UNC13C: variants seen among roughly 807,000 people sequenced by gnomAD.
UNC13C encodes unc-13 homolog C.
UNC13C carries 174 observed loss-of-function variants against 245.4 expected under a neutral mutation model. That is an observed-to-expected ratio of 0.71 (90% CI 0.63 to 0.80). UNC13C has a LOEUF of 0.80. UNC13C is among the 30% of genes least tolerant of loss of function. The pLI is 0.00. For missense variants in UNC13C, 2,829 were observed against 2,602.9 expected (o/e 1.09, Z -1.89); for synonymous variants, 992 against 895.1 (o/e 1.11, Z -1.93).
chr15:54,481,801 G>A (rs781423430), intron 19 of UNC13C, among the ~76,000 whole-genome samples: 1 of 152,134 alleles, frequency 6.6e-6, no homozygotes, highest in African/African-American at 2.4e-5. Flanking sequence ...TCCTGATGGT[G>A]CATGGGGATG....
intron 2 of UNC13C, among the ~76,000 whole-genome samples, chr15:54,085,346 A>C (rs1366724421): frequency 6.6e-6 from 1 of 152,162 alleles, no homozygotes; most frequent in Non-Finnish European, 1.5e-5. Context: ...AAAGATACAA[A>C]ACATTAGAGT....
intron 30 of UNC13C, among the ~76,000 whole-genome samples, chr15:54,616,072 T>G (rs1328141818): frequency 6.6e-6 from 1 of 152,054 alleles, no homozygotes; most frequent in African/African-American, 2.4e-5. Flanking sequence ...AAGGCAATTC[T>G]AAAAGATAAT....
At chr15:54,525,708 T>C in intron 25 of UNC13C, 71 bp downstream of exon 25, 1 of 1,271,416 alleles carries the variant, frequency 7.9e-7, no homozygotes, top group Non-Finnish European at 1.1e-6. Flanking sequence ...TTGCCTTCAA[T>C]GCTGTTTCCT....
chr15:54,499,422 C>T (rs1894097806), intron 20 of UNC13C, among the ~76,000 whole-genome samples: 1 of 152,070 alleles, frequency 6.6e-6, no homozygotes, highest in African/African-American at 2.4e-5. Context: ...CAAACCATAT[C>T]AGTGCATAAC....
the UNC13C span, among the ~76,000 whole-genome samples, chr15:53,952,023 T>C: frequency 6.6e-6 from 1 of 152,164 alleles, no homozygotes; most frequent in Non-Finnish European, 1.5e-5. Context: ...CATCCTATAC[T>C]GCGTTGGTTT....
Position 54,015,512 on chromosome 15 carries a change from C to T in UNC13C, c.2609C>T (p.Pro870Leu), listed in dbSNP as rs372148533. Residue 870 changes from proline (P) to leucine (L), a missense_variant, in exon 2 of 33, where the codon CCA becomes CTA. Physicochemically the swap from Pro to Leu is moderately conservative, Grantham distance 98 (BLOSUM62 -3). Transcript: ENST00000260323. Reference sequence around the variant, plus strand: ...GAGGATGAGGAAGATTATACTGAACCAGTGGCTGACAATGAAACAGATTAT... The same window carrying T: ...GAGGATGAGGAAGATTATACTGAACTAGTGGCTGACAATGAAACAGATTAT... Reference protein sequence around the residue: ...KAEDEEDYTEPVADNETDYVE... With the variant: ...KAEDEEDYTELVADNETDYVE... The T allele has an allele frequency of 3.7e-6, 6 of 1,612,688 alleles. No homozygotes were observed. In the African/African-American group the frequency reaches 6.7e-5, roughly 18 times the overall value.
intron 2 of UNC13C, among the ~76,000 whole-genome samples, chr15:54,070,386 T>C (rs1466291514): frequency 6.6e-6 from 1 of 152,130 alleles, no homozygotes; most frequent in Non-Finnish European, 1.5e-5. Context: ...TGCCAACAGC[T>C]GACTAAGTGG....
At chr15:54,106,635 C>T (rs1900461956) in intron 2 of UNC13C, among the ~76,000 whole-genome samples, 1 of 152,160 alleles carries the variant, frequency 6.6e-6, no homozygotes, top group Non-Finnish European at 1.5e-5. Context: ...GTTCCATGTG[C>T]CATCTCTTCT....
At chr15:54,400,777 T>G (rs376030893) in intron 18 of UNC13C, among the ~76,000 whole-genome samples, 2 of 152,202 alleles carry the variant, frequency 1.3e-5, no homozygotes, top group Non-Finnish European at 2.9e-5. Flanking sequence ...ATACTTTAAG[T>G]TCTAGGGTAC....
intron 1 of UNC13C, among the ~76,000 whole-genome samples, chr15:53,989,405 TA>T (rs560944256): frequency 5.3e-4 from 78 of 145,866 alleles, no homozygotes; most frequent in Admixed American, 4.8e-4. Context: ...TTCGTGGATT[TA>T]AAAAAAAAAA....
In UNC13C at chr15:54,378,530, G is replaced by A. The variant is rs549348255; in HGVS notation, c.4714-14518G>A. On this transcript the variant is annotated intron_variant, in intron 17 of 32. Coordinates refer to ENST00000260323, the MANE Select transcript of UNC13C (RefSeq NM_001080534.3). ...GCATATACCATAAACTTAATTAAAT[G>A]TAAGTATTCCCCCATTTTGGTAATA... Among the ~76,000 whole-genome samples, 4 of 151,908 alleles carry A rather than the reference G, an allele frequency of 2.6e-5. No homozygotes were observed. The East Asian group carries it at 7.7e-4, about 29-fold the overall frequency.
chr15:54,361,415 A>C (rs148985862), intron 17 of UNC13C, among the ~76,000 whole-genome samples: 94 of 152,058 alleles, frequency 6.2e-4, no homozygotes, highest in African/African-American at 2.2e-3. Context: ...TCAGTTTTCT[A>C]TCTATATTTT....
At chr15:54,515,184 T>G (rs940678380) in intron 24 of UNC13C, among the ~76,000 whole-genome samples, 3 of 152,182 alleles carry the variant, frequency 2.0e-5, no homozygotes, top group Admixed American at 1.3e-4. Flanking sequence ...TTTATGTGGA[T>G]ACAGTTTTGG....
intron 10 of UNC13C, among the ~76,000 whole-genome samples, chr15:54,285,980 C>T (rs977190069): frequency 5.3e-5 from 8 of 152,004 alleles, no homozygotes; most frequent in African/African-American, 9.7e-5. Context: ...CCAGTTCAAG[C>T]GATTCTCCTG....
chr15:53,862,367 C>T, the UNC13C span, among the ~76,000 whole-genome samples: 9 of 152,036 alleles, frequency 5.9e-5, no homozygotes, highest in African/African-American at 2.2e-4. Context: ...AAGCTCAATG[C>T]CTACATGTGG....
intron 17 of UNC13C, among the ~76,000 whole-genome samples, chr15:54,338,706 A>G (rs967449254): frequency 1.3e-4 from 20 of 152,262 alleles, no homozygotes; most frequent in Middle Eastern, 3.4e-3. Flanking sequence ...AAAGGCACAT[A>G]TTATTTAAGG....
At chr15:54,392,773 A>G (rs1232442049) in intron 17 of UNC13C, among the ~76,000 whole-genome samples, 1 of 151,852 alleles carries the variant, frequency 6.6e-6, no homozygotes, top group African/African-American at 2.4e-5. Context: ...GGCAGGAAAA[A>G]CCTCTAATCC....
intron 17 of UNC13C, among the ~76,000 whole-genome samples, chr15:54,365,890 A>G (rs758505077): frequency 5.3e-5 from 8 of 152,184 alleles, no homozygotes; most frequent in Non-Finnish European, 8.8e-5. Context: ...TAGTTGTAAA[A>G]TCATCGTGAG....
At chr15:54,417,569 A>C (rs924835634) in intron 19 of UNC13C, among the ~76,000 whole-genome samples, 2 of 152,138 alleles carry the variant, frequency 1.3e-5, no homozygotes, top group African/African-American at 4.8e-5. Context: ...AATTCTGCAT[A>C]ACTGTATTTT....
Sources: gnomAD v4.1 joint callset for allele counts (sites outside exome capture counted in the v4.1 genomes callset) on GRCh38, gnomAD v4.1.1 for gene constraint, MANE v1.5 for transcripts, NCBI Gene and HGNC (gene_info 2026-07-23, HGNC 2026-07-21) for gene names.